Variants in RNF34 observed in about 807,000 individuals in gnomAD.
The protein encoded by RNF34 is E3 ubiquitin-protein ligase RNF34.
Under a neutral mutation model 37.9 loss-of-function variants are expected in RNF34, and 12 were observed. That is an observed-to-expected ratio of 0.32 (90% CI 0.20 to 0.51). RNF34 has a LOEUF of 0.51. RNF34 is among the 20% of genes least tolerant of loss of function. The probability of loss-of-function intolerance (pLI) is 0.97; values close to 1 mark genes in which losing one functional copy is unlikely to be tolerated. For synonymous variants in RNF34, 155 were observed against 177.2 expected, an observed-to-expected ratio of 0.87 and a Z score of 1.00; for missense variants, 362 against 472.7, an observed-to-expected ratio of 0.77 and a Z score of 2.17.
intron 1 of RNF34, 105 bp from the exon 2 acceptor site, chr12:121,416,054 A>G (rs1871543734): frequency 1.2e-6 from 1 of 855,334 alleles, no homozygotes; most frequent in Non-Finnish European, 1.9e-6. Flanking sequence ...GTAATCTCAA[A>G]GTTATTGAGG....
At position 121,421,371 on chromosome 12, in the gene RNF34, TAAAAAA is replaced by T. The variant is rs11398833; in HGVS notation, c.928+615_928+620del. Among the ~76,000 whole-genome samples the T allele has an allele frequency of 8.6e-5, 4 of 46,370 alleles. 1 individual carries two copies. Among genetic ancestry groups the T allele is most frequent in the Middle Eastern group, 0.042 (2 of 48 alleles). The allele number at this position is 46,370 out of a possible 152,430, so 30.4% of individuals were successfully genotyped here. A position where few individuals can be genotyped will look rare whatever the true frequency, so the allele number is the denominator to read the frequency against. ...GGGCAACATAGAGAGATCCCATCTC[TAAAAAA>T]AAAAAAAAAAAAAAAAAAAAACCAA... On this transcript the variant is annotated intron_variant, in intron 5 of 5. Transcript: ENST00000361234.
At chr12:121,404,105 C>G (rs1396794932) in intron 1 of RNF34, among the ~76,000 whole-genome samples, 3 of 151,028 alleles carry the variant, frequency 2.0e-5, no homozygotes, top group Non-Finnish European at 4.4e-5. Flanking sequence ...ACCTCTGCCT[C>G]TCGGGTTCAA....
chr12:121,423,194 CTT>C lies in RNF34; in HGVS notation c.929-189_929-188del, dbSNP rs1459704157. 1.3e-5 allele frequency among the ~76,000 whole-genome samples: 2 copies of C among 152,182 alleles called. No individual in the cohort carries two copies. Among genetic ancestry groups the C allele is most frequent in the African/African-American group, 4.8e-5 (2 of 41,422 alleles). ...TTCTTTACAAAACCCTGAGGTATAG[CTT>C]TTATCATTGCCATTTCTAGTGGAGA... On this transcript the variant is annotated intron_variant, in intron 5 of 5. Transcript: ENST00000361234. The surrounding 1 kb of genome is among the most constrained non-coding windows in gnomAD (Gnocchi z 4.3).
At chr12:121,422,214 A>G (rs1434858929) in intron 5 of RNF34, among the ~76,000 whole-genome samples, 6 of 152,160 alleles carry the variant, frequency 3.9e-5, no homozygotes, top group Non-Finnish European at 7.4e-5. Flanking sequence ...CCATTAACTC[A>G]CTGCATAATC....
intron 1 of RNF34, 110 bp downstream of exon 1, chr12:121,400,328 G>C (rs746245342): frequency 3.2e-5 from 43 of 1,334,092 alleles, no homozygotes; most frequent in Non-Finnish European, 4.1e-5. Flanking sequence ...CGTCATCTCG[G>C]AGAGCTGCGC....
At chr12:121,419,679 G>GA (rs1460548395) in intron 3 of RNF34, among the ~76,000 whole-genome samples, 2 of 152,172 alleles carry the variant, frequency 1.3e-5, no homozygotes, top group Non-Finnish European at 2.9e-5. Flanking sequence ...AACCCAAACT[G>GA]AAGAGATTTG....
chr12:121,421,457 G>C lies in RNF34; in HGVS notation c.928+679G>C, dbSNP rs185216751. ...GGTCCCAGCTACTTGGGAGGCTGAG[G>C]GGGGAGGATTGCTTGAGCCTGCAGG... On this transcript the variant is annotated intron_variant, in intron 5 of 5. Coordinates refer to ENST00000361234, the MANE Select transcript of RNF34 (RefSeq NM_025126.4). Among the ~76,000 whole-genome samples, 17 of 151,660 alleles carry C rather than the reference G, an allele frequency of 1.1e-4. No homozygotes were observed. In the East Asian group the frequency reaches 1.7e-3, roughly 16 times the overall value.
At chr12:121,406,268 A>T (rs1307529129) in intron 1 of RNF34, among the ~76,000 whole-genome samples, 3 of 120,478 alleles carry the variant, frequency 2.5e-5, no homozygotes, top group Non-Finnish European at 5.1e-5. Context: ...TTGATTTCTT[A>T]TTATGGAATG....
At chr12:121,418,879 G>T (rs1235466651) in intron 3 of RNF34, 2 of 152,164 alleles carry the variant, frequency 1.3e-5, no homozygotes, top group African/African-American at 4.8e-5. Context: ...GTTAATTTTT[G>T]TATTTTTAGT....
In RNF34 at chr12:121,417,437, A is replaced by C. The variant is rs41468645; in HGVS notation, c.226-67A>C. On this transcript the variant is annotated intron_variant, in intron 2 of 5. Transcript: ENST00000361234. The surrounding 1 kb of genome is among the most constrained non-coding windows in gnomAD (Gnocchi z 5.0). ...CTAAAATTAAATTTTAGTAGAAGGC[A>C]GAAAGAAAACTCATGCTTTCATAAT... 2.2e-6 allele frequency: 3 copies of C among 1,393,878 alleles called. No individual in the cohort carries two copies. Among genetic ancestry groups the C allele is most frequent in the Non-Finnish European group, 2.9e-6 (3 of 1,022,326 alleles). 86.3% of individuals were successfully genotyped at this position (1,393,878 alleles called of 1,614,324 possible). A position where few individuals can be genotyped will look rare whatever the true frequency, so the allele number is the denominator to read the frequency against.
At chr12:121,413,415 C>CTTTTTTTTTTTTTTTTT (rs573738844) in intron 1 of RNF34, among the ~76,000 whole-genome samples, 1 of 130,692 alleles carries the variant, frequency 7.7e-6, no homozygotes, top group African/African-American at 3.2e-5. Flanking sequence ...TTTACCTGTC[C>CTTTTTTTTTTTTTTTTT]TTTTTTTTTT....
intron 1 of RNF34, among the ~76,000 whole-genome samples, chr12:121,405,715 C>T (rs951899488): frequency 6.6e-6 from 1 of 151,974 alleles, no homozygotes; most frequent in African/African-American, 2.4e-5. Context: ...AACTCCTGAC[C>T]TCAGATGATC....
At position 121,423,017 on chromosome 12, in the gene RNF34, C is replaced by G. The variant is rs531433780; in HGVS notation, c.929-369C>G. 9.2e-5 allele frequency among the ~76,000 whole-genome samples: 14 copies of G among 152,334 alleles called. No homozygotes were observed. The South Asian group carries it at 2.9e-3, about 32-fold the overall frequency. ...CAACTGAGTTAAATTCCAATAGCAT[C>G]CTGACTCCAAAGCCCATCTACAGAA... On this transcript the variant is annotated intron_variant, in intron 5 of 5. Coordinates refer to ENST00000361234, the MANE Select transcript of RNF34 (RefSeq NM_025126.4). This position sits in a 1 kb window ranked among gnomAD's most constrained non-coding sequence, Gnocchi z 4.3.
chr12:121,407,629 T>G (rs1383073658), intron 1 of RNF34, among the ~76,000 whole-genome samples: 1 of 152,240 alleles, frequency 6.6e-6, no homozygotes, highest in African/African-American at 2.4e-5. Context: ...TAGAAGATGC[T>G]TCAATCTTAC....
rs782735228 is a variant in RNF34 at position 121,417,698 on chromosome 12, A to C, written c.420A>C (p.Lys140Asn). 6.2e-7 allele frequency: 1 copy of C among 1,614,230 alleles called. No individual in the cohort carries two copies. Among genetic ancestry groups the C allele is most frequent in the Non-Finnish European group, 8.5e-7 (1 of 1,180,038 alleles). Reference sequence around the variant, plus strand: ...TACCCATAGATACTTGTCGTGAGAAAGAAGACTTGGTGGATCTAGTACTGT... The same window carrying C: ...TACCCATAGATACTTGTCGTGAGAACGAAGACTTGGTGGATCTAGTACTGT... Reference protein sequence around the residue: ...RNIPIDTCREKEDLVDLVLCH... With the variant: ...RNIPIDTCRENEDLVDLVLCH... Residue 140 changes from lysine to asparagine, a missense_variant, in exon 3 of 6, where the codon AAA (lysine) becomes AAC (asparagine). By Grantham distance (94) the Lys-to-Asn change is moderately conservative. Transcript: ENST00000361234. The surrounding 1 kb of genome is among the most constrained non-coding windows in gnomAD (Gnocchi z 5.0).
At position 121,418,279 on chromosome 12, in the gene RNF34, A is replaced by ATC. The variant is rs141526270; in HGVS notation, c.633+369_633+370dup. ...CGTGTTTCAGTGACCACAGAAAACA[A>ATC]TCAGTAGTGTAAGTTAGCCTAATGC... On this transcript the variant is annotated intron_variant, in intron 3 of 5. Transcript: ENST00000361234. 1,516 of 189,342 alleles carry ATC rather than the reference A, an allele frequency of 8.0e-3. 22 individuals carry two copies. Among genetic ancestry groups the ATC allele is most frequent in the African/African-American group, 0.033 (1,425 of 42,556 alleles). 11.7% of individuals were successfully genotyped at this position (189,342 alleles called of 1,614,324 possible). A position where few individuals can be genotyped will look rare whatever the true frequency, so the allele number is the denominator to read the frequency against.
chr12:121,420,826 T>C, intron 5 of RNF34, 48 bp downstream of exon 5: 1 of 1,431,132 alleles, frequency 7.0e-7, no homozygotes. Flanking sequence ...TCCTTAGGCT[T>C]TTAAAAACTG....
At chr12:121,406,283 A>AGTTGTAGTTGTTGTTGTTGTTGTT (rs1870523925) in intron 1 of RNF34, among the ~76,000 whole-genome samples, 2 of 150,606 alleles carry the variant, frequency 1.3e-5, no homozygotes, top group African/African-American at 4.9e-5. Flanking sequence ...GGAATGTGTA[A>AGTTGTAGTTGTTGTTGTTGTTGTT]GTTGTTGTTG....
At chr12:121,405,422 G>A (rs1870430995) in intron 1 of RNF34, among the ~76,000 whole-genome samples, 1 of 152,110 alleles carries the variant, frequency 6.6e-6, no homozygotes, top group Non-Finnish European at 1.5e-5. Flanking sequence ...ACAGAGCTAA[G>A]GTTCTGTTCT....
Sources: gnomAD v4.1 joint callset for allele counts (sites outside exome capture counted in the v4.1 genomes callset) on GRCh38, gnomAD v4.1.1 for gene constraint, Gnocchi (gnomAD v3.1) non-coding constraint, MANE v1.5 for transcripts, NCBI Gene and HGNC (gene_info 2026-07-23, HGNC 2026-07-21) for gene names.